The following TCF12 variants were observed in gnomAD, a reference collection of about 807,000 sequenced individuals.
TCF12 encodes the protein transcription factor 12.
TCF12 carries 45 observed loss-of-function variants against 86.0 expected under a neutral mutation model. That is an observed-to-expected ratio of 0.52 (90% confidence interval 0.41 to 0.67). The LOEUF (loss-of-function observed/expected upper bound fraction) is 0.67, where lower values mean the gene tolerates loss of function less well. TCF12 is among the 30% of genes least tolerant of loss of function. TCF12 has a pLI of 0.00. For synonymous variants in TCF12, 330 were observed against 299.6 expected (o/e 1.10, Z -1.05); for missense variants, 881 against 859.9 (o/e 1.02, Z -0.31).
chr15:57,088,562 G>T (rs1280773116), intron 4 of TCF12, among the ~76,000 whole-genome samples: 1 of 150,198 alleles, frequency 6.7e-6, no homozygotes, highest in Non-Finnish European at 1.5e-5. Flanking sequence ...GAAATTTCTG[G>T]TGTTTTAATA....
chr15:57,023,936 G>T (rs750034586), intron 3 of TCF12, among the ~76,000 whole-genome samples: 1 of 152,106 alleles, frequency 6.6e-6, no homozygotes, highest in Non-Finnish European at 1.5e-5. Context: ...CCCTTGCATA[G>T]TTCACAACAG....
At chr15:57,130,347 T>A (rs1371787048) in intron 5 of TCF12, among the ~76,000 whole-genome samples, 1 of 140,568 alleles carries the variant, frequency 7.1e-6, no homozygotes, top group Non-Finnish European at 1.6e-5. Context: ...CCATTTTGAT[T>A]TTTTTTTTGT....
At chr15:57,181,788 A>T (rs1284151851) in intron 6 of TCF12, among the ~76,000 whole-genome samples, 1 of 152,196 alleles carries the variant, frequency 6.6e-6, no homozygotes, top group Non-Finnish European at 1.5e-5. Flanking sequence ...ATGTAATTCA[A>T]AATATAACTT....
chr15:56,982,125 T>C (rs2062923783), intron 3 of TCF12, among the ~76,000 whole-genome samples: 1 of 152,178 alleles, frequency 6.6e-6, no homozygotes, highest in Non-Finnish European at 1.5e-5. Context: ...TTAACATTTA[T>C]TGACTGTCTA....
intron 8 of TCF12, among the ~76,000 whole-genome samples, chr15:57,215,834 C>T (rs1478931789): frequency 6.6e-6 from 1 of 151,994 alleles, no homozygotes; most frequent in East Asian, 1.9e-4. Context: ...TAAAAATGAG[C>T]TAATAAAGTA....
intron 3 of TCF12, among the ~76,000 whole-genome samples, chr15:56,974,247 C>T (rs1451570437): frequency 6.6e-6 from 1 of 152,014 alleles, no homozygotes; most frequent in East Asian, 1.9e-4. Context: ...AGTATCATGT[C>T]TGAAACTTCC....
At chr15:56,993,640 C>T (rs1323718605) in intron 3 of TCF12, among the ~76,000 whole-genome samples, 2 of 152,104 alleles carry the variant, frequency 1.3e-5, no homozygotes, top group African/African-American at 4.8e-5. Context: ...GCTAACCATT[C>T]GATGATACAA....
chr15:56,957,466 C>G (rs1327621876), intron 3 of TCF12, among the ~76,000 whole-genome samples: 4 of 152,090 alleles, frequency 2.6e-5, no homozygotes, highest in Non-Finnish European at 4.4e-5. Context: ...TTCAAATTTA[C>G]TAGTTTTTCT....
Position 56,958,678 on chromosome 15 carries a change from A to AGAGTGTGTGT in TCF12, c.148+37581_148+37582insAGTGTGTGTG, listed in dbSNP as rs1198441460. ...ATATGAGAAAGAGAGAGAGAGAGAGAGTGTGTGTGTGTGTGTGTGTGTGTG... is the reference window on the plus strand; with the variant it reads ...ATATGAGAAAGAGAGAGAGAGAGAGAGAGTGTGTGTGTGTGTGTGTGTGTGTGTGTGTGTG... On this transcript the variant is annotated intron_variant, in intron 3 of 20. Coordinates refer to ENST00000333725, the MANE Select transcript of TCF12 (RefSeq NM_207037.2). Among the ~76,000 whole-genome samples, 394 of 142,226 alleles carry AGAGTGTGTGT rather than the reference A, an allele frequency of 2.8e-3. 3 individuals are homozygous for AGAGTGTGTGT. The highest frequency in any genetic ancestry group is 0.011 in the East Asian group (55 of 4,908). The allele number at this position is 142,226 out of a possible 152,430, so 93.3% of individuals were successfully genotyped here.
intron 3 of TCF12, among the ~76,000 whole-genome samples, chr15:57,046,564 T>G (rs1567314080): frequency 6.6e-6 from 1 of 152,198 alleles, no homozygotes; most frequent in Non-Finnish European, 1.5e-5. Flanking sequence ...TGCCTCAGCT[T>G]CCTGAGTAGC....
At chr15:56,964,918 AG>A (rs2061935880) in intron 3 of TCF12, among the ~76,000 whole-genome samples, 1 of 152,234 alleles carries the variant, frequency 6.6e-6, no homozygotes, top group South Asian at 2.1e-4. Context: ...GTCCTGTATC[AG>A]GGATACTCTT....
At chr15:57,223,643 G>GTTTTTTTTTTTTTGTTTTTTTTT (rs2058710220) in intron 8 of TCF12, among the ~76,000 whole-genome samples, 6 of 69,666 alleles carry the variant, frequency 8.6e-5, no homozygotes, top group African/African-American at 2.9e-4. Context: ...TACCAATGAG[G>GTTTTTTTTTTTTTGTTTTTTTTT]TTTTTTTTTT....
chr15:57,234,250 T>C (rs2059290562), intron 12 of TCF12, 143 bp downstream of exon 12: 1 of 688,842 alleles, frequency 1.5e-6, no homozygotes. Context: ...TCTCGGTTTG[T>C]ATTGATATAT....
rs1027734024 is a variant in TCF12 at position 57,064,039 on chromosome 15, G to A, written c.222+216G>A. Among the ~76,000 whole-genome samples, 3 of 152,114 alleles carry A rather than the reference G, an allele frequency of 2.0e-5. No individual in the cohort carries two copies. In the South Asian group the frequency reaches 6.2e-4, roughly 32 times the overall value. On this transcript the variant is annotated intron_variant, in intron 4 of 20. Coordinates refer to ENST00000333725, the MANE Select transcript of TCF12 (RefSeq NM_207037.2). ...CAGTTAAATATTCTTGGTGTTACTT[G>A]TACACATGAACTGCCTACAGTACTC...
chr15:56,943,656 T>C (rs1040864628), intron 3 of TCF12, among the ~76,000 whole-genome samples: 1 of 152,204 alleles, frequency 6.6e-6, no homozygotes, highest in African/African-American at 2.4e-5. Flanking sequence ...CATGAAATAA[T>C]GCAGCAATAG....
intron 8 of TCF12, chr15:57,219,725 T>TC (rs2058495372): frequency 1.5e-6 from 1 of 688,836 alleles, no homozygotes; most frequent in Non-Finnish European, 2.1e-6. Flanking sequence ...GATTTCTTTT[T>TC]TTTTTTTTTT....
At position 57,144,804 on chromosome 15, in the gene TCF12, G is replaced by A. The variant is rs550150261; in HGVS notation, c.326-21598G>A. Among the ~76,000 whole-genome samples, 146 of 152,206 alleles carry A rather than the reference G, an allele frequency of 9.6e-4. 1 individual carries two copies. Among genetic ancestry groups the A allele is most frequent in the African/African-American group, 3.3e-3 (135 of 41,528 alleles). ...TTTTGTAGAGATAGGGTTTTGCCAT[G>A]TTGCCTAGGGTGGTCTTAAACTCCT... On this transcript the variant is annotated intron_variant, in intron 5 of 20. Transcript: ENST00000333725.
intron 16 of TCF12, among the ~76,000 whole-genome samples, chr15:57,258,921 G>T (rs1382275138): frequency 6.6e-6 from 1 of 152,026 alleles, no homozygotes. Context: ...AAATAAATTT[G>T]AAATCATTTT....
intron 4 of TCF12, among the ~76,000 whole-genome samples, chr15:57,067,349 G>T (rs1395074595): frequency 3.3e-5 from 5 of 151,798 alleles, no homozygotes; most frequent in Admixed American, 2.6e-4. Context: ...GACCATCCCG[G>T]CTAAAACGGT....
Sources: gnomAD v4.1 joint callset for allele counts (sites outside exome capture counted in the v4.1 genomes callset) on GRCh38, gnomAD v4.1.1 for gene constraint, MANE v1.5 for transcripts, NCBI Gene and HGNC (gene_info 2026-07-23, HGNC 2026-07-21) for gene names.